Variants in TMPRSS11A observed in about 807,000 individuals in gnomAD.
TMPRSS11A encodes transmembrane protease serine 11A.
TMPRSS11A carries 53 observed loss-of-function variants against 58.9 expected under a neutral mutation model. That is an observed-to-expected ratio of 0.90 (90% confidence interval 0.72 to 1.13). The LOEUF (loss-of-function observed/expected upper bound fraction) is 1.13, where lower values mean the gene tolerates loss of function less well. Among genes scored for constraint, TMPRSS11A ranks in the 50% most tolerant of loss-of-function variants. The pLI is 0.00. For synonymous variants in TMPRSS11A, 167 were observed against 169.8 expected (o/e 0.98, Z 0.13); for missense variants, 493 against 499.3 (o/e 0.99, Z 0.12).
intron 1 of TMPRSS11A, among the ~76,000 whole-genome samples, chr4:67,947,324 C>T (rs1437680657): frequency 2.6e-5 from 4 of 152,156 alleles, no homozygotes; most frequent in Admixed American, 6.5e-5. Flanking sequence ...AAGACATAAT[C>T]GAGGACCATG....
At chr4:67,924,026 A>T in intron 6 of TMPRSS11A, 102 bp downstream of exon 6, 2 of 969,664 alleles carry the variant, frequency 2.1e-6, no homozygotes. Context: ...ATTATCTCTC[A>T]AAGAAAATCT....
chr4:67,938,758 A>G (rs184882532), intron 3 of TMPRSS11A, among the ~76,000 whole-genome samples: 36 of 152,048 alleles, frequency 2.4e-4, no homozygotes, highest in Non-Finnish European at 3.8e-4. Context: ...ATTCTGTTCT[A>G]TTGGTTTATA....
chr4:67,932,533 G>T (rs984070715), intron 3 of TMPRSS11A, among the ~76,000 whole-genome samples: 3 of 152,084 alleles, frequency 2.0e-5, no homozygotes, highest in Non-Finnish European at 4.4e-5. Context: ...GAATCAATTT[G>T]AGCCTCAGTT....
chr4:67,960,505 G>A (rs1198788751), intron 1 of TMPRSS11A, among the ~76,000 whole-genome samples: 1 of 152,042 alleles, frequency 6.6e-6, no homozygotes, highest in Admixed American at 6.6e-5. Context: ...GGATTGCTGA[G>A]ATAATTAAAT....
chr4:67,933,175 TC>T (rs898590999), intron 3 of TMPRSS11A, among the ~76,000 whole-genome samples: 1 of 152,030 alleles, frequency 6.6e-6, no homozygotes, highest in African/African-American at 2.4e-5. Context: ...AGTTATAACT[TC>T]CTTAGCATGC....
intron 3 of TMPRSS11A, among the ~76,000 whole-genome samples, chr4:67,943,813 TA>T (rs1720936372): frequency 6.6e-6 from 1 of 152,164 alleles, no homozygotes; most frequent in Non-Finnish European, 1.5e-5. Flanking sequence ...GAAAGTGTCT[TA>T]AAAATGGTTC....
intron 1 of TMPRSS11A, among the ~76,000 whole-genome samples, chr4:67,962,621 TA>T (rs1721460927): frequency 1.3e-5 from 2 of 152,178 alleles, no homozygotes; most frequent in Admixed American, 1.3e-4. Context: ...ATAACATACA[TA>T]AAGATGTTTC....
In TMPRSS11A at chr4:67,922,868, T is replaced by C. The variant is rs536530555; in HGVS notation, c.579A>G (p.Ala193=). The change falls in exon 7 of 10, where the codon GCA becomes GCG. Residue 193 remains alanine, a synonymous_variant. Coordinates refer to ENST00000508048, the MANE Select transcript of TMPRSS11A (RefSeq NM_001114387.2). ...CTTGCCAAGGCCAGGCCGCCTTGGG[T>C]GCAATGACTCCAGATGCTATTCTGT... ...NVNRIASGVI[A]PKAAWPWQAS... is the part of the protein sequence containing the mutation. 1 of 1,614,106 alleles carries C rather than the reference T, an allele frequency of 6.2e-7. No homozygotes were observed. The highest frequency in any genetic ancestry group is 1.3e-5 in the African/African-American group (1 of 75,040).
intron 1 of TMPRSS11A, among the ~76,000 whole-genome samples, chr4:67,961,482 CCTTTTTTTTTTTTTTTTTTTTTTTTT>C (rs1721420673): frequency 2.1e-3 from 217 of 102,346 alleles, no homozygotes; most frequent in South Asian, 2.8e-3. Flanking sequence ...CTTTTCTTTT[CCTTTTTTTTTTTTTTTTTTTTTTTTT>C]TTTTTTTTTT....
At chr4:67,921,196 T>C (rs963254728) in intron 7 of TMPRSS11A, among the ~76,000 whole-genome samples, 3 of 152,190 alleles carry the variant, frequency 2.0e-5, no homozygotes, top group African/African-American at 7.2e-5. Context: ...CAAAAATGGC[T>C]AACTTTGGCA....
At chr4:67,962,362 C>T (rs1397844257) in intron 1 of TMPRSS11A, among the ~76,000 whole-genome samples, 1 of 152,080 alleles carries the variant, frequency 6.6e-6, no homozygotes, top group Non-Finnish European at 1.5e-5. Context: ...AAATTATCAT[C>T]TCTGAAATTC....
In TMPRSS11A at chr4:67,919,185, T is replaced by C. The variant is rs866671211; in HGVS notation, c.740A>G (p.Asn247Ser). 29 of 1,613,988 alleles carry C rather than the reference T, an allele frequency of 1.8e-5. No individual in the cohort carries two copies. The highest frequency in any genetic ancestry group is 6.7e-5 in the Admixed American group (4 of 59,998). ...QWTVSFGTKI[N>S]PPLMKRNVRR... ...GACATTTCTTTTCATTAAGGGAGGGTTGATTTTTGTTCCAAAACTAACAGT... is the reference window on the plus strand; with the variant it reads ...GACATTTCTTTTCATTAAGGGAGGGCTGATTTTTGTTCCAAAACTAACAGT... The change falls in exon 8 of 10, where the codon AAC becomes AGC. Residue 247 changes from asparagine (N) to serine (S), a missense_variant. Coordinates refer to ENST00000508048, the MANE Select transcript of TMPRSS11A (RefSeq NM_001114387.2).
At chr4:67,959,607 C>T (rs1319109565) in intron 1 of TMPRSS11A, among the ~76,000 whole-genome samples, 1 of 152,160 alleles carries the variant, frequency 6.6e-6, no homozygotes, top group Non-Finnish European at 1.5e-5. Context: ...CTCAACCTTA[C>T]TAATCGTCAG....
At chr4:67,940,389 A>C (rs1368130400) in intron 3 of TMPRSS11A, among the ~76,000 whole-genome samples, 2 of 151,850 alleles carry the variant, frequency 1.3e-5, no homozygotes, top group African/African-American at 2.4e-5. Flanking sequence ...TTGGCTGGTA[A>C]GTTTTTTAAA....
At chr4:67,933,404 C>A (rs1175296292) in intron 3 of TMPRSS11A, among the ~76,000 whole-genome samples, 3 of 152,164 alleles carry the variant, frequency 2.0e-5, no homozygotes, top group Admixed American at 6.5e-5. Flanking sequence ...AATCACACAA[C>A]CACCCTGTTA....
At chr4:67,957,653 G>C (rs551028480) in intron 1 of TMPRSS11A, among the ~76,000 whole-genome samples, 1 of 152,250 alleles carries the variant, frequency 6.6e-6, no homozygotes, top group East Asian at 1.9e-4. Flanking sequence ...TTTGCATCCT[G>C]ACAATGCGAT....
chr4:67,940,854 G>A (rs933040954), intron 3 of TMPRSS11A, among the ~76,000 whole-genome samples: 17 of 152,292 alleles, frequency 1.1e-4, no homozygotes, highest in African/African-American at 4.1e-4. Flanking sequence ...ATAAGTATTT[G>A]TGACTTCCCC....
chr4:67,927,694 A>C (rs1286324584), intron 5 of TMPRSS11A, among the ~76,000 whole-genome samples: 1 of 152,204 alleles, frequency 6.6e-6, no homozygotes, highest in Non-Finnish European at 1.5e-5. Flanking sequence ...CCAGAAAAGC[A>C]ACACCCCCTA....
chr4:67,951,240 A>G (rs1721150168), intron 1 of TMPRSS11A, among the ~76,000 whole-genome samples: 1 of 152,254 alleles, frequency 6.6e-6, no homozygotes, highest in Non-Finnish European at 1.5e-5. Context: ...AGATGCTGTC[A>G]ATGAAAACAT....
Sources: allele counts gnomAD v4.1 joint callset (sites outside exome capture counted in the v4.1 genomes callset), GRCh38; gene constraint gnomAD v4.1.1; transcripts MANE v1.5; gene names NCBI Gene and HGNC (gene_info 2026-07-23, HGNC 2026-07-21).